The following PCDH15 variants were observed in gnomAD, a reference collection of about 807,000 sequenced individuals.
PCDH15 encodes protocadherin-15.
Under a neutral mutation model 178.5 loss-of-function variants are expected in PCDH15, and 129 were observed. The observed-to-expected ratio is 0.72, with a 90% CI of 0.63 to 0.84. The LOEUF (loss-of-function observed/expected upper bound fraction) is 0.84, where lower values mean the gene tolerates loss of function less well. Among genes scored for constraint, PCDH15 ranks in the 40% least tolerant of loss-of-function variants. The probability of loss-of-function intolerance (pLI) is 0.00; values close to 1 mark genes in which losing one functional copy is unlikely to be tolerated. For synonymous variants in PCDH15, 800 were observed against 732.0 expected, an observed-to-expected ratio of 1.09 and a Z score of -1.50; for missense variants, 2,230 against 2,099.9, an observed-to-expected ratio of 1.06 and a Z score of -1.21.
intron 2 of PCDH15, among the ~76,000 whole-genome samples, chr10:55,097,837 C>A (rs1842482679): frequency 6.6e-6 from 1 of 152,104 alleles, no homozygotes; most frequent in South Asian, 2.1e-4. Context: ...GAGAGGGAAA[C>A]ACTCTGTACT....
chr10:54,912,571 C>A (rs1167521860), intron 2 of PCDH15, among the ~76,000 whole-genome samples: 1 of 152,152 alleles, frequency 6.6e-6, no homozygotes, highest in Non-Finnish European at 1.5e-5. Context: ...GCCATTTAAT[C>A]CTCTTTTCTT....
chr10:53,921,375 T>C (rs1262491459), intron 25 of PCDH15, among the ~76,000 whole-genome samples: 1 of 129,556 alleles, frequency 7.7e-6, no homozygotes, highest in Non-Finnish European at 1.6e-5. Flanking sequence ...CAACCACATT[T>C]CAGCCCTAAT....
chr10:55,314,962 A>G (rs1362742562), intron 1 of PCDH15, among the ~76,000 whole-genome samples: 6 of 152,132 alleles, frequency 3.9e-5, no homozygotes, highest in Admixed American at 1.3e-4. Context: ...TACTATAAAT[A>G]CCTGGTGATT....
Position 54,940,972 on chromosome 10 carries a change from A to T in PCDH15, c.-79-43472T>A, listed in dbSNP as rs188715862. ...TTTTAGAAAATTCTGTCTAGCAATGACTGCTTTTTGATTAGATTGTTTCAT... is the reference window on the plus strand; with the variant it reads ...TTTTAGAAAATTCTGTCTAGCAATGTCTGCTTTTTGATTAGATTGTTTCAT... On this transcript the variant is annotated intron_variant, in intron 2 of 5. Transcript: ENST00000458638. Among the ~76,000 whole-genome samples, 8 of 151,970 alleles carry T rather than the reference A, an allele frequency of 5.3e-5. No homozygotes were observed. The East Asian group carries it at 1.4e-3, about 26-fold the overall frequency.
chr10:55,173,172 T>C (rs1839385807), intron 1 of PCDH15, among the ~76,000 whole-genome samples: 1 of 152,024 alleles, frequency 6.6e-6, no homozygotes, highest in South Asian at 2.1e-4. Flanking sequence ...GCCACTTTTT[T>C]TTTTAACCTC....
intron 1 of PCDH15, among the ~76,000 whole-genome samples, chr10:54,672,278 C>A (rs1271644574): frequency 6.6e-6 from 1 of 151,702 alleles, no homozygotes; most frequent in Non-Finnish European, 1.5e-5. Flanking sequence ...TAAATCATCC[C>A]AAACCACTCT....
At chr10:54,856,680 T>C (rs1460242856) in intron 3 of PCDH15, among the ~76,000 whole-genome samples, 1 of 152,222 alleles carries the variant, frequency 6.6e-6, no homozygotes, top group Admixed American at 6.5e-5. Context: ...CATATTTATA[T>C]TGTTTGGGTT....
intron 8 of PCDH15, among the ~76,000 whole-genome samples, chr10:54,288,620 T>A (rs1314569756): frequency 6.6e-6 from 1 of 152,184 alleles, no homozygotes; most frequent in African/African-American, 2.4e-5. Context: ...CAAGGGAAGA[T>A]GTGACATACT....
intron 2 of PCDH15, among the ~76,000 whole-genome samples, chr10:55,596,926 A>C (rs1842946608): frequency 6.6e-6 from 1 of 152,162 alleles, no homozygotes; most frequent in South Asian, 2.1e-4. Flanking sequence ...GGATTACTTA[A>C]AACTATAAAG....
At chr10:55,157,686 C>T (rs11004761) in intron 2 of PCDH15, among the ~76,000 whole-genome samples, 142,871 of 151,820 alleles carry the variant, frequency 0.94, 67,503 homozygotes, top group East Asian at 1. Flanking sequence ...ACCATCATTC[C>T]TAGCAAACTA....
chr10:53,848,075 A>C (rs377744322), intron 28 of PCDH15, among the ~76,000 whole-genome samples: 103 of 152,148 alleles, frequency 6.8e-4, no homozygotes, highest in Middle Eastern at 6.8e-3. Context: ...GTAAATTGTG[A>C]ATAAATTGAA....
intron 2 of PCDH15, among the ~76,000 whole-genome samples, chr10:54,645,191 T>G (rs1180931001): frequency 6.6e-6 from 1 of 152,176 alleles, no homozygotes; most frequent in Non-Finnish European, 1.5e-5. Context: ...TTGGCATGTC[T>G]GTGTATTTTT....
At chr10:55,080,264 A>G (rs1263643680) in intron 2 of PCDH15, among the ~76,000 whole-genome samples, 1 of 152,112 alleles carries the variant, frequency 6.6e-6, no homozygotes, top group East Asian at 1.9e-4. Context: ...TTACCAGCTG[A>G]GCTCCACCTC....
chr10:54,062,257 A>AAAAAAAAAAAT (rs2094042936), intron 18 of PCDH15, among the ~76,000 whole-genome samples: 1 of 107,522 alleles, frequency 9.3e-6, no homozygotes, highest in South Asian at 2.6e-4. Flanking sequence ...AAAAAACAAA[A>AAAAAAAAAAAT]AACAACTAAA....
intron 21 of PCDH15, among the ~76,000 whole-genome samples, chr10:53,982,306 A>T (rs751067711): frequency 3.3e-5 from 5 of 152,104 alleles, no homozygotes; most frequent in Non-Finnish European, 7.3e-5. Context: ...TTGACCCAGC[A>T]ATCTCATTAC....
chr10:54,021,101 A>G (rs1440710188), intron 19 of PCDH15, among the ~76,000 whole-genome samples: 1 of 152,040 alleles, frequency 6.6e-6, no homozygotes, highest in Non-Finnish European at 1.5e-5. Context: ...CACAAATACT[A>G]AAATAGAAAG....
At chr10:55,080,824 G>C (rs542503863) in intron 2 of PCDH15, among the ~76,000 whole-genome samples, 1 of 152,296 alleles carries the variant, frequency 6.6e-6, no homozygotes, top group South Asian at 2.1e-4. Flanking sequence ...GAGTACAAAT[G>C]CTGCTCTGGT....
chr10:54,182,214 G>A (rs887337752), intron 13 of PCDH15, among the ~76,000 whole-genome samples: 6 of 152,166 alleles, frequency 3.9e-5, no homozygotes, highest in East Asian at 1.9e-4. Context: ...CAATCCGCTC[G>A]CCTCGGCCTC....
At chr10:54,524,252 A>T (rs1165998728) in intron 3 of PCDH15, among the ~76,000 whole-genome samples, 1 of 152,196 alleles carries the variant, frequency 6.6e-6, no homozygotes, top group African/African-American at 2.4e-5. Context: ...ATATATTTTA[A>T]ACTTTAAATT....
Sources: gnomAD v4.1 joint callset for allele counts (sites outside exome capture counted in the v4.1 genomes callset) on GRCh38, gnomAD v4.1.1 for gene constraint, MANE v1.5 for transcripts, NCBI Gene and HGNC (gene_info 2026-07-23, HGNC 2026-07-21) for gene names.